The following SLC35D4 variants were observed in gnomAD, a reference collection of about 807,000 sequenced individuals.
SLC35D4 encodes solute carrier family 35 member D4.
chr18:23,402,046 T>C, the SLC35D4 span, among the ~76,000 whole-genome samples: 3 of 152,088 alleles, frequency 2.0e-5, no homozygotes, highest in Non-Finnish European at 4.4e-5. Context: ...CGAAGTCATC[T>C]CCCTCAGGGG....
chr18:23,361,065 G>A, the SLC35D4 span, among the ~76,000 whole-genome samples: 1 of 121,362 alleles, frequency 8.2e-6, no homozygotes, highest in South Asian at 2.8e-4. Context: ...TTGTGCCACT[G>A]TACTACAGCC....
the SLC35D4 span, among the ~76,000 whole-genome samples, chr18:23,437,505 A>T: frequency 6.6e-6 from 1 of 152,034 alleles, no homozygotes; most frequent in African/African-American, 2.4e-5. Context: ...ACTAGTCCAC[A>T]CAGCCCCAAA....
chr18:23,427,698 T>A, the SLC35D4 span, among the ~76,000 whole-genome samples: 1 of 152,204 alleles, frequency 6.6e-6, no homozygotes, highest in African/African-American at 2.4e-5. Flanking sequence ...TAAATCACGC[T>A]GCTATAAAGA....
the SLC35D4 span, among the ~76,000 whole-genome samples, chr18:23,294,087 G>A: frequency 2.0e-5 from 3 of 151,990 alleles, no homozygotes; most frequent in East Asian, 1.9e-4. Flanking sequence ...TTGAGCCACC[G>A]TGACTGGCCC....
the SLC35D4 span, among the ~76,000 whole-genome samples, chr18:23,395,960 C>T: frequency 6.6e-6 from 1 of 152,226 alleles, no homozygotes; most frequent in Non-Finnish European, 1.5e-5. Flanking sequence ...GTGTCTTTCA[C>T]TCCCTGCCCC....
At chr18:23,260,237 A>G in the SLC35D4 span, 1 of 152,082 alleles carries the variant, frequency 6.6e-6, no homozygotes, top group African/African-American at 2.4e-5. Flanking sequence ...ATTCATACCA[A>G]ATGCAAATGG....
At chr18:23,353,063 A>G in the SLC35D4 span, among the ~76,000 whole-genome samples, 3 of 99,152 alleles carry the variant, frequency 3.0e-5, no homozygotes, top group Non-Finnish European at 6.5e-5. Context: ...ACTGGGGAAG[A>G]GGTGAGACAG....
At chr18:23,327,769 C>G in the SLC35D4 span, among the ~76,000 whole-genome samples, 1 of 152,134 alleles carries the variant, frequency 6.6e-6, no homozygotes, top group Non-Finnish European at 1.5e-5. Context: ...AATTTTAGAC[C>G]AATATCCCTG....
chr18:23,430,689 AC>A, the SLC35D4 span: 3 of 1,609,474 alleles, frequency 1.9e-6, no homozygotes, highest in African/African-American at 4.0e-5. Context: ...TGAAAAACAA[AC>A]ACCAAATTAC....
At chr18:23,301,445 G>A in the SLC35D4 span, among the ~76,000 whole-genome samples, 2 of 152,120 alleles carry the variant, frequency 1.3e-5, no homozygotes, top group Admixed American at 6.6e-5. Context: ...CCTCCGTGAA[G>A]TTCCTTAAAA....
the SLC35D4 span, among the ~76,000 whole-genome samples, chr18:23,417,518 G>A: frequency 6.6e-6 from 1 of 152,172 alleles, no homozygotes; most frequent in Admixed American, 6.5e-5. Context: ...GGAGCAAGTG[G>A]GAGGGGAGAA....
the SLC35D4 span, among the ~76,000 whole-genome samples, chr18:23,383,947 C>T: frequency 2.3e-5 from 3 of 131,702 alleles, no homozygotes; most frequent in Non-Finnish European, 4.6e-5. Context: ...CTGTAAAAAG[C>T]ATGTGGCCTG....
chr18:23,410,402 CG>C, the SLC35D4 span, among the ~76,000 whole-genome samples: 1 of 150,330 alleles, frequency 6.7e-6, no homozygotes, highest in African/African-American at 2.5e-5. Flanking sequence ...GGCATGAACC[CG>C]GGAGGCAGAG....
chr18:23,431,921 G>A, the SLC35D4 span, among the ~76,000 whole-genome samples: 9 of 152,254 alleles, frequency 5.9e-5, no homozygotes, highest in Admixed American at 5.2e-4. Flanking sequence ...AAAATGGAGT[G>A]GACTGGTGCT....
the SLC35D4 span, among the ~76,000 whole-genome samples, chr18:23,343,957 G>A: frequency 6.7e-6 from 1 of 150,072 alleles, no homozygotes; most frequent in Non-Finnish European, 1.5e-5. Context: ...GGAGTGCAAT[G>A]GCGCTATCTC....
chr18:23,344,087 G>A, the SLC35D4 span, among the ~76,000 whole-genome samples: 3 of 152,010 alleles, frequency 2.0e-5, no homozygotes, highest in East Asian at 5.8e-4. Context: ...TCACCATGTT[G>A]GTCAGGCTGG....
chr18:23,315,983 A>G, the SLC35D4 span, among the ~76,000 whole-genome samples: 105 of 152,376 alleles, frequency 6.9e-4, no homozygotes, highest in African/African-American at 2.3e-3. Context: ...GTCACAGACA[A>G]GCAGCATCAG....
the SLC35D4 span, among the ~76,000 whole-genome samples, chr18:23,403,686 T>C: frequency 3.0e-4 from 45 of 152,344 alleles, no homozygotes; most frequent in African/African-American, 1.1e-3. Context: ...TGAAAACGCT[T>C]GACTGGAGAA....
At chr18:23,340,361 T>G in the SLC35D4 span, among the ~76,000 whole-genome samples, 2 of 152,084 alleles carry the variant, frequency 1.3e-5, no homozygotes, top group African/African-American at 2.4e-5. Context: ...AAGTATATCT[T>G]AAAACCCCTG....
Sources: allele counts gnomAD v4.1 joint callset (sites outside exome capture counted in the v4.1 genomes callset), GRCh38; gene constraint gnomAD v4.1.1; transcripts MANE v1.5; gene names NCBI Gene and HGNC (gene_info 2026-07-23, HGNC 2026-07-21).